The following NHS variants were observed in gnomAD, a reference collection of about 807,000 sequenced individuals.
NHS encodes NHS actin remodeling regulator.
In NHS, 5 loss-of-function variants were observed where a neutral mutation model predicts 72.5. The observed-to-expected ratio is 0.07, with a 90% confidence interval of 0.04 to 0.14. The LOEUF (loss-of-function observed/expected upper bound fraction) is 0.14. NHS is among the 10% of genes least tolerant of loss of function. NHS has a pLI of 1.00. For missense variants in NHS, 1,072 were observed against 1,355.7 expected (o/e 0.79, Z 3.29); for synonymous variants, 464 against 547.7 (o/e 0.85, Z 2.13).
chrX:17,509,219 A>ATTTC (rs2065074349), intron 1 of NHS, among the ~76,000 whole-genome samples: 1 of 107,252 alleles, frequency 9.3e-6, no homozygotes, highest in Admixed American at 1.0e-4. Flanking sequence ...TTATTTATTT[A>ATTTC]TTTATTTATT....
At chrX:17,637,937 C>A (rs1436394845) in intron 1 of NHS, among the ~76,000 whole-genome samples, 2 of 112,070 alleles carry the variant, frequency 1.8e-5, no homozygotes, top group Non-Finnish European at 3.8e-5. Context: ...AGCTGATAGA[C>A]TATATTTGGG....
intron 1 of NHS, among the ~76,000 whole-genome samples, chrX:17,587,590 G>A (rs1213754427): frequency 8.9e-6 from 1 of 112,442 alleles, no homozygotes; most frequent in Non-Finnish European, 1.9e-5. Context: ...AATGAGTCCT[G>A]TGGTGCACTC....
chrX:17,609,824 A>T (rs2065700691), intron 1 of NHS, among the ~76,000 whole-genome samples: 1 of 111,506 alleles, frequency 9.0e-6, no homozygotes, highest in Non-Finnish European at 1.9e-5. Flanking sequence ...ACATAGGATT[A>T]GCAGCTGTTG....
At chrX:17,419,582 G>A (rs2064613375) in intron 1 of NHS, among the ~76,000 whole-genome samples, 1 of 110,892 alleles carries the variant, frequency 9.0e-6, no homozygotes, top group Admixed American at 9.7e-5. Flanking sequence ...GCTGCTTGAA[G>A]AACCATATAT....
intron 1 of NHS, among the ~76,000 whole-genome samples, chrX:17,387,921 G>C (rs1370148910): frequency 8.9e-6 from 1 of 112,738 alleles, no homozygotes; most frequent in Non-Finnish European, 1.9e-5. Flanking sequence ...CTATTTTATT[G>C]ATACTATAAT....
chrX:17,523,667 C>G (rs1335108754), intron 1 of NHS, among the ~76,000 whole-genome samples: 1 of 107,346 alleles, frequency 9.3e-6, no homozygotes, highest in Non-Finnish European at 1.9e-5. Flanking sequence ...ACCCCAAAAG[C>G]TCATCTTGGA....
At chrX:17,637,669 T>TA (rs1369804293) in intron 1 of NHS, among the ~76,000 whole-genome samples, 4 of 112,019 alleles carry the variant, frequency 3.6e-5, no homozygotes, top group African/African-American at 1.3e-4. Flanking sequence ...GGTTTCATTA[T>TA]AAAAATGTTA....
At chrX:17,731,429 G>A (rs1043316043) in intron 8 of NHS, among the ~76,000 whole-genome samples, 1 of 108,759 alleles carries the variant, frequency 9.2e-6, no homozygotes, top group African/African-American at 3.4e-5. Context: ...GTAGAGACGG[G>A]GTTTCACCAT....
In NHS at chrX:17,375,795, T is replaced by C. The variant is rs1028276417; in HGVS notation, c.38T>C (p.Leu13Pro). The C allele has an allele frequency of 4.3e-6, 5 of 1,151,295 alleles. No homozygotes were observed. Among genetic ancestry groups the C allele is most frequent in the Non-Finnish European group, 5.7e-6 (5 of 871,608 alleles). The allele number at this position is 1,151,295 out of a possible 1,213,427, so 94.9% of individuals were successfully genotyped here. The part of the protein sequence containing the change: ...FAKRIVEPQW[L>P]CRQRRPAPGP... ...AAGCGGATCGTGGAGCCGCAATGGC[T>C]GTGCAGGCAGCGGCGCCCTGCGCCC... Residue 13 changes from leucine (L) to proline (P), a missense_variant, in exon 1 of 9, where the codon CTG becomes CCG. By Grantham distance (98) the Leu-to-Pro change is moderately conservative (BLOSUM62 -3). Transcript: ENST00000676302.
chrX:17,525,901 G>A (rs188424092), intron 1 of NHS, among the ~76,000 whole-genome samples: 1 of 111,001 alleles, frequency 9.0e-6, no homozygotes, highest in Admixed American at 9.5e-5. Flanking sequence ...AGCTATAAGC[G>A]GACATGAAGG....
chrX:17,678,604 G>C (rs775668793), intron 1 of NHS, among the ~76,000 whole-genome samples: 5 of 110,741 alleles, frequency 4.5e-5, no homozygotes, highest in African/African-American at 1.3e-4. Context: ...AGCAGCAATG[G>C]GGGTGGTGAT....
intron 3 of NHS, among the ~76,000 whole-genome samples, chrX:17,706,032 A>G (rs976594517): frequency 2.7e-5 from 3 of 110,782 alleles, no homozygotes; most frequent in African/African-American, 6.6e-5. Flanking sequence ...TACAAAAAAA[A>G]ATTTTTTTAA....
chrX:17,613,017 CTTTT>C (rs10576021), intron 1 of NHS, among the ~76,000 whole-genome samples: 174 of 102,640 alleles, frequency 1.7e-3, no homozygotes, highest in African/African-American at 5.9e-3. Flanking sequence ...GTTTTCATCA[CTTTT>C]TTTTTTTTTT....
chrX:17,545,682 C>T (rs951481687), intron 1 of NHS, among the ~76,000 whole-genome samples: 2 of 111,919 alleles, frequency 1.8e-5, no homozygotes, highest in African/African-American at 6.5e-5. Flanking sequence ...GGCCCATGGA[C>T]ATTGTTTGTG....
intron 1 of NHS, among the ~76,000 whole-genome samples, chrX:17,429,111 G>A (rs144502888): frequency 0.014 from 1,513 of 111,395 alleles, 10 homozygotes; most frequent in Non-Finnish European, 0.019. Flanking sequence ...GGGATGGCAA[G>A]CAACTTCCAA....
intron 1 of NHS, among the ~76,000 whole-genome samples, chrX:17,383,343 G>C (rs1189536119): frequency 9.0e-6 from 1 of 111,585 alleles, no homozygotes; most frequent in Non-Finnish European, 1.9e-5. Flanking sequence ...TTTAGCCCAG[G>C]ATTATTATAT....
At chrX:17,566,127 G>A (rs754861193) in intron 1 of NHS, among the ~76,000 whole-genome samples, 74 of 109,556 alleles carry the variant, frequency 6.8e-4, no homozygotes, top group Admixed American at 2.2e-3. Flanking sequence ...CTACAGGTGC[G>A]TGCCACCACA....
intron 1 of NHS, among the ~76,000 whole-genome samples, chrX:17,478,140 T>C (rs971178129): frequency 3.8e-4 from 42 of 111,878 alleles, no homozygotes; most frequent in Admixed American, 1.5e-3. Flanking sequence ...CTTAATACCA[T>C]GTCCTTTGGC....
intron 1 of NHS, among the ~76,000 whole-genome samples, chrX:17,445,848 A>C (rs1455253730): frequency 9.2e-6 from 1 of 108,450 alleles, no homozygotes; most frequent in Non-Finnish European, 1.9e-5. Flanking sequence ...AAAAAAAAAA[A>C]AAAAACAACA....
Sources: gnomAD v4.1 joint callset for allele counts (sites outside exome capture counted in the v4.1 genomes callset) on GRCh38, gnomAD v4.1.1 for gene constraint, MANE v1.5 for transcripts, NCBI Gene and HGNC (gene_info 2026-07-23, HGNC 2026-07-21) for gene names.